Variants in DNAH12 observed in about 807,000 individuals in gnomAD.
The protein encoded by DNAH12 is dynein axonemal heavy chain 12.
Under a neutral mutation model 371.5 loss-of-function variants are expected in DNAH12, and 285 were observed. The observed-to-expected ratio is 0.77, with a 90% CI of 0.70 to 0.85. DNAH12 has a LOEUF of 0.85. Ranked by LOEUF, DNAH12 falls within the 40% of genes least tolerant of loss-of-function variation. The probability of loss-of-function intolerance (pLI) is 0.00; values close to 1 mark genes in which losing one functional copy is unlikely to be tolerated. For missense variants in DNAH12, 3,611 were observed against 3,689.4 expected, an observed-to-expected ratio of 0.98 and a Z score of 0.55; for synonymous variants, 1,200 against 1,213.0, an observed-to-expected ratio of 0.99 and a Z score of 0.22.
chr3:57,476,650 T>C (rs1458167946), intron 13 of DNAH12, among the ~76,000 whole-genome samples: 1 of 152,168 alleles, frequency 6.6e-6, no homozygotes, highest in Non-Finnish European at 1.5e-5. Flanking sequence ...GTTGGCAAGG[T>C]TCTATTTATT....
intron 2 of DNAH12, among the ~76,000 whole-genome samples, chr3:57,525,308 G>A (rs1010602994): frequency 6.6e-6 from 1 of 152,058 alleles, no homozygotes; most frequent in Non-Finnish European, 1.5e-5. Context: ...GAAGATGTAG[G>A]AGCTCAATAA....
At chr3:57,296,697 A>T in intron 71 of DNAH12, 150 bp downstream of exon 71, 1 of 979,888 alleles carries the variant, frequency 1.0e-6, no homozygotes, top group Non-Finnish European at 1.5e-6. Context: ...ATATTGCAAT[A>T]TATAAAAGTT....
At chr3:57,512,474 C>T (rs2068034334) in intron 4 of DNAH12, 2 of 152,158 alleles carry the variant, frequency 1.3e-5, no homozygotes, top group South Asian at 4.1e-4. Context: ...AGCACATATA[C>T]TAAAATTGGA....
chr3:57,550,880 A>ATTT, the DNAH12 span, among the ~76,000 whole-genome samples: 3 of 136,816 alleles, frequency 2.2e-5, no homozygotes, highest in African/African-American at 5.4e-5. Context: ...GCTAGAAACA[A>ATTT]TTTTTTTTTT....
At chr3:57,508,627 T>C in intron 6 of DNAH12, 87 bp from the exon 7 acceptor site, 1 of 1,442,722 alleles carries the variant, frequency 6.9e-7, no homozygotes, top group Non-Finnish European at 9.2e-7. Flanking sequence ...GAAATTAGTA[T>C]TGAAGTGAGA....
intron 51 of DNAH12, 37 bp downstream of exon 51, chr3:57,380,241 A>C (rs1402379119): frequency 6.6e-6 from 1 of 152,134 alleles, no homozygotes; most frequent in Non-Finnish European, 1.5e-5. Flanking sequence ...CATTTTAGCC[A>C]AGTCACATTT....
Position 57,296,971 on chromosome 3 carries a change from G to T in DNAH12, c.11408C>A (p.Ser3803Ter). 1 of 1,551,604 alleles carries T rather than the reference G, an allele frequency of 6.4e-7. No individual in the cohort carries two copies. Among genetic ancestry groups the T allele is most frequent in the Non-Finnish European group, 8.7e-7 (1 of 1,146,972 alleles). Reference sequence around the variant, plus strand: ...CAGCCAAAACACACAAGGTTTTCCTGAATTATACCAGTCCTACAAAGGGAA... The same window carrying T: ...CAGCCAAAACACACAAGGTTTTCCTTAATTATACCAGTCCTACAAAGGGAA... ...RLNFLQDWYN[S>*]GKPCVFWLSG... Residue 3803 changes from serine to a stop codon, truncating the protein, a stop_gained, in exon 71 of 74, where the codon TCA becomes TAA. Coordinates refer to ENST00000495027, the MANE Select transcript of DNAH12 (RefSeq NM_001366028.2). LOFTEE classifies it high-confidence loss of function.
chr3:57,309,893 T>C, intron 67 of DNAH12, 39 bp from the exon 68 acceptor site: 1 of 1,519,544 alleles, frequency 6.6e-7, no homozygotes, highest in Non-Finnish European at 8.8e-7. Context: ...ATATTTTCCC[T>C]GGATACTGAA....
intron 62 of DNAH12, among the ~76,000 whole-genome samples, chr3:57,331,243 A>G (rs1415461400): frequency 6.6e-6 from 1 of 152,194 alleles, no homozygotes; most frequent in Non-Finnish European, 1.5e-5. Context: ...AAAACCCTAC[A>G]TGTGGTATTG....
chr3:57,302,559 A>ATTTTTTTT (rs1436244232), intron 69 of DNAH12, among the ~76,000 whole-genome samples: 9 of 61,370 alleles, frequency 1.5e-4, no homozygotes, highest in Non-Finnish European at 2.8e-4. Context: ...ATATATATAT[A>ATTTTTTTT]TATATGTATT....
chr3:57,323,738 G>A (rs2061864033), intron 62 of DNAH12, 119 bp from the exon 63 acceptor site: 1 of 1,053,464 alleles, frequency 9.5e-7, no homozygotes, highest in Non-Finnish European at 1.3e-6. Flanking sequence ...AAAGCATATA[G>A]CATCATAGAC....
chr3:57,464,163 G>T (rs1222720963), intron 17 of DNAH12, among the ~76,000 whole-genome samples: 8 of 152,036 alleles, frequency 5.3e-5, no homozygotes, highest in Admixed American at 5.2e-4. Context: ...TTAACCCACA[G>T]GAAGCAACGC....
At chr3:57,371,268 A>G (rs1040875445) in intron 55 of DNAH12, among the ~76,000 whole-genome samples, 16 of 152,308 alleles carry the variant, frequency 1.1e-4, no homozygotes, top group African/African-American at 3.4e-4. Flanking sequence ...CTTGGAAAGC[A>G]TAATATATAT....
intron 22 of DNAH12, among the ~76,000 whole-genome samples, chr3:57,456,582 G>A (rs1456696545): frequency 1.1e-4 from 16 of 152,122 alleles, no homozygotes; most frequent in Admixed American, 1.0e-3. Flanking sequence ...GAGTTTTTAA[G>A]TAGTTGTTTA....
intron 59 of DNAH12, among the ~76,000 whole-genome samples, chr3:57,354,615 G>T (rs1486025606): frequency 6.6e-6 from 1 of 151,278 alleles, no homozygotes; most frequent in African/African-American, 2.4e-5. Context: ...GCACTCTTGG[G>T]TATTTATCTC....
chr3:57,519,195 C>T (rs912321337), intron 4 of DNAH12, among the ~76,000 whole-genome samples: 2 of 152,172 alleles, frequency 1.3e-5, no homozygotes, highest in Non-Finnish European at 2.9e-5. Context: ...TCCGTGTATC[C>T]TCTATGGTAA....
Position 57,468,736 on chromosome 3 carries a change from C to A in DNAH12, c.2349G>T (p.Lys783Asn). Residue 783 changes from lysine to asparagine, a missense_variant and splice_region_variant, in exon 17 of 74, where the codon AAG becomes AAT. Physicochemically the swap from Lys to Asn is moderately conservative, Grantham distance 94. Transcript: ENST00000495027. ...STVMEQIKAF[K>N]EYIPTVSILC... is the part of the protein sequence containing the mutation. Reference sequence around the variant, plus strand: ...AAAATGTTATTATATATATTTATACCTTAAAAGCTTTTATCTGTTCCATGA... The same window carrying A: ...AAAATGTTATTATATATATTTATACATTAAAAGCTTTTATCTGTTCCATGA... The A allele has an allele frequency of 7.1e-7, 1 of 1,417,846 alleles. No homozygotes were observed. The highest frequency in any genetic ancestry group is 1.7e-5 in the South Asian group (1 of 58,466). The allele number at this position is 1,417,846 out of a possible 1,614,324, so 87.8% of individuals were successfully genotyped here. A position where few individuals can be genotyped will look rare whatever the true frequency, so the allele number is the denominator to read the frequency against.
chr3:57,407,350 CA>C (rs371605349), intron 40 of DNAH12, among the ~76,000 whole-genome samples: 1 of 150,838 alleles, frequency 6.6e-6, no homozygotes, highest in Non-Finnish European at 1.5e-5. Context: ...TCTACCTGAC[CA>C]ACACCTCTGT....
intron 13 of DNAH12, among the ~76,000 whole-genome samples, chr3:57,479,994 C>T (rs1172591439): frequency 1.3e-5 from 2 of 152,100 alleles, no homozygotes; most frequent in Non-Finnish European, 2.9e-5. Context: ...GACACCCTAA[C>T]ATCACAATTA....
Sources: allele counts gnomAD v4.1 joint callset (sites outside exome capture counted in the v4.1 genomes callset), GRCh38; gene constraint gnomAD v4.1.1; transcripts MANE v1.5; gene names NCBI Gene and HGNC (gene_info 2026-07-23, HGNC 2026-07-21).